The following AP2A2 variants were observed in gnomAD, a reference collection of about 807,000 sequenced individuals.
AP2A2 encodes the protein AP-2 complex subunit alpha-2.
In AP2A2, 32 loss-of-function variants were observed where a neutral mutation model predicts 104.2. That is an observed-to-expected ratio of 0.31 (90% CI 0.23 to 0.41). The LOEUF (loss-of-function observed/expected upper bound fraction) is 0.41. AP2A2 is among the 10% of genes least tolerant of loss of function. The probability of loss-of-function intolerance (pLI) is 1.00; values close to 1 mark genes in which losing one functional copy is unlikely to be tolerated. For synonymous variants in AP2A2, 539 were observed against 533.3 expected, an observed-to-expected ratio of 1.01 and a Z score of -0.15; for missense variants, 912 against 1,261.0, an observed-to-expected ratio of 0.72 and a Z score of 4.19.
intron 14 of AP2A2, among the ~76,000 whole-genome samples, chr11:995,089 C>G (rs755372882): frequency 2.0e-5 from 3 of 152,200 alleles, no homozygotes; most frequent in Non-Finnish European, 4.4e-5. Context: ...TCCTTCAGAC[C>G]GTCGTCTTGT....
chr11:977,687 G>T (rs915823007), intron 5 of AP2A2, among the ~76,000 whole-genome samples: 19 of 151,888 alleles, frequency 1.3e-4, no homozygotes, highest in African/African-American at 3.9e-4. Flanking sequence ...AGGCACGTGT[G>T]GGGGAGGGGC....
rs377203911 is a variant in AP2A2 at position 970,133 on chromosome 11, G to A, written c.137-36G>A. The A allele has an allele frequency of 1.7e-5, 28 of 1,609,480 alleles. No homozygotes were observed. The East Asian group carries it at 2.0e-4, about 12-fold the overall frequency. On this transcript the variant is annotated intron_variant, in intron 2 of 21. Coordinates refer to ENST00000448903, the MANE Select transcript of AP2A2 (RefSeq NM_012305.4). ...TCTCCCCTCTCCCCTGCCTCTGCCC[G>A]CCTGGAATAAAACCTCTTCCCCACC...
At chr11:975,605 C>T (rs577666079) in intron 4 of AP2A2, among the ~76,000 whole-genome samples, 20 of 151,990 alleles carry the variant, frequency 1.3e-4, no homozygotes, top group South Asian at 6.2e-4. Context: ...TCCTCGGTCT[C>T]CCTCGTGTGA....
chr11:1,010,792 G>T lies in AP2A2; in HGVS notation c.*167G>T, dbSNP rs538401723. On this transcript the variant is annotated 3_prime_UTR_variant, in exon 22 of 22. Transcript: ENST00000448903. Reference sequence around the variant, plus strand: ...CCCTTTGGGCTGGACGGGAACACACGTGTGTGGCTCAGGAGGAAAAGCTCA... The same window carrying T: ...CCCTTTGGGCTGGACGGGAACACACTTGTGTGGCTCAGGAGGAAAAGCTCA... The T allele has an allele frequency of 2.8e-5, 19 of 688,904 alleles. 1 individual carries two copies. The highest frequency in any genetic ancestry group is 2.2e-4 in the South Asian group (14 of 64,110). The allele number at this position is 688,904 out of a possible 1,614,324, so 42.7% of individuals were successfully genotyped here. A position where few individuals can be genotyped will look rare whatever the true frequency, so the allele number is the denominator to read the frequency against.
chr11:953,445 G>A (rs528298882), intron 1 of AP2A2, among the ~76,000 whole-genome samples: 6 of 152,222 alleles, frequency 3.9e-5, no homozygotes, highest in African/African-American at 1.4e-4. Flanking sequence ...GATTATAGGC[G>A]TGAGCCACTG....
At position 1,011,872 on chromosome 11, in the gene AP2A2, C is replaced by G. The variant is rs185898063; in HGVS notation, c.*1247C>G. ...CACAGCTCCCCTGCAGTGTGTGCAC[C>G]CCACAATGTCTGCGGCTCTTCTTCC... On this transcript the variant is annotated 3_prime_UTR_variant, in exon 22 of 22. Coordinates refer to ENST00000448903, the MANE Select transcript of AP2A2 (RefSeq NM_012305.4). 4 of 211,958 alleles carry G rather than the reference C, an allele frequency of 1.9e-5. No individual in the cohort carries two copies. The Admixed American group carries it at 2.2e-4, about 12-fold the overall frequency. The allele number at this position is 211,958 out of a possible 1,614,324, so 13.1% of individuals were successfully genotyped here. A position where few individuals can be genotyped will look rare whatever the true frequency, so the allele number is the denominator to read the frequency against.
chr11:994,724 G>A (rs1445799764), intron 14 of AP2A2, among the ~76,000 whole-genome samples: 1 of 144,776 alleles, frequency 6.9e-6, no homozygotes, highest in South Asian at 2.2e-4. Context: ...TGTCCCGGGG[G>A]CCACTGTCCC....
At position 925,984 on chromosome 11, in the gene AP2A2, C is replaced by G; in HGVS notation, c.-38C>G. 1 of 1,380,892 alleles carries G rather than the reference C, an allele frequency of 7.2e-7. No individual in the cohort carries two copies. The highest frequency in any genetic ancestry group is 9.5e-7 in the Non-Finnish European group (1 of 1,051,182). The allele number at this position is 1,380,892 out of a possible 1,614,324, so 85.5% of individuals were successfully genotyped here. A position where few individuals can be genotyped will look rare whatever the true frequency, so the allele number is the denominator to read the frequency against. Reference sequence around the variant, plus strand: ...TTCCCGCTCCCCGCGCTCCTCCGCCCGGGTCCGCCAGCCGAGGCCGCTCCC... The same window carrying G: ...TTCCCGCTCCCCGCGCTCCTCCGCCGGGGTCCGCCAGCCGAGGCCGCTCCC... On this transcript the variant is annotated 5_prime_UTR_variant, in exon 1 of 22. Transcript: ENST00000448903.
chr11:932,421 CAT>C (rs1302022260), intron 1 of AP2A2, among the ~76,000 whole-genome samples: 6 of 152,198 alleles, frequency 3.9e-5, no homozygotes, highest in African/African-American at 1.2e-4. Flanking sequence ...AAAAATTAAA[CAT>C]AAAGTTATAC....
At chr11:996,395 G>A (rs182562188) in intron 14 of AP2A2, among the ~76,000 whole-genome samples, 1 of 152,226 alleles carries the variant, frequency 6.6e-6, no homozygotes, top group Non-Finnish European at 1.5e-5. Context: ...CTGCTTTGAC[G>A]TTAAGAGGAA....
intron 4 of AP2A2, 126 bp from the exon 5 acceptor site, chr11:976,969 T>C (rs1461551147): frequency 2.2e-6 from 3 of 1,343,356 alleles, no homozygotes; most frequent in Non-Finnish European, 3.0e-6. Flanking sequence ...CAGGCGGCCC[T>C]GAGTGCTGTC....
chr11:959,209 G>A (rs147042444), intron 1 of AP2A2, among the ~76,000 whole-genome samples: 53 of 152,348 alleles, frequency 3.5e-4, no homozygotes, highest in Middle Eastern at 6.8e-3. Context: ...CTCCTTTGCT[G>A]TCCTGACCCA....
chr11:970,067 C>G, intron 2 of AP2A2, 102 bp from the exon 3 acceptor site: 1 of 1,334,618 alleles, frequency 7.5e-7, no homozygotes. Context: ...CTCCTGGAGG[C>G]TTGTCCGTGC....
At chr11:995,466 G>C (rs1236650175) in intron 14 of AP2A2, 1 of 455,344 alleles carries the variant, frequency 2.2e-6, no homozygotes, top group South Asian at 1.5e-5. Flanking sequence ...TAGAGGACCT[G>C]TCTCTCCAGG....
intron 4 of AP2A2, among the ~76,000 whole-genome samples, chr11:976,053 C>T (rs993547446): frequency 6.6e-6 from 1 of 152,196 alleles, no homozygotes; most frequent in Non-Finnish European, 1.5e-5. Flanking sequence ...TGCTGGGGGC[C>T]CAGTCATGGG....
chr11:945,306 A>G (rs958683552), intron 1 of AP2A2, among the ~76,000 whole-genome samples: 1 of 152,116 alleles, frequency 6.6e-6, no homozygotes, highest in Admixed American at 6.5e-5. Flanking sequence ...TGGGCTGTTT[A>G]AGTATTTTAA....
chr11:1,002,946 C>G (rs1029346287), intron 15 of AP2A2, among the ~76,000 whole-genome samples: 1 of 152,214 alleles, frequency 6.6e-6, no homozygotes, highest in South Asian at 2.1e-4. Flanking sequence ...GAATCAGTGC[C>G]ACATCCATCT....
chr11:925,896 G>T lies in AP2A2; in HGVS notation c.-126G>T. On this transcript the variant is annotated 5_prime_UTR_variant, in exon 1 of 22. Coordinates refer to ENST00000448903, the MANE Select transcript of AP2A2 (RefSeq NM_012305.4). ...GAAAGCGGCGCTGGGACCCTGAGGCGGCCGTGGTTAGGCGGCTCCCCGGCG... is the reference window on the plus strand; with the variant it reads ...GAAAGCGGCGCTGGGACCCTGAGGCTGCCGTGGTTAGGCGGCTCCCCGGCG... 1 of 640,770 alleles carries T rather than the reference G, an allele frequency of 1.6e-6. No individual in the cohort carries two copies. The highest frequency in any genetic ancestry group is 2.3e-6 in the Non-Finnish European group (1 of 440,824). 39.7% of individuals were successfully genotyped at this position (640,770 alleles called of 1,614,324 possible).
At chr11:1,010,162 CCT>C (rs1175054457) in intron 21 of AP2A2, 2 of 469,620 alleles carry the variant, frequency 4.3e-6, no homozygotes, top group Non-Finnish European at 7.7e-6. Context: ...CCCAGCTGTT[CCT>C]CTCTGTCACC....
Sources: gnomAD v4.1 joint callset for allele counts (sites outside exome capture counted in the v4.1 genomes callset) on GRCh38, gnomAD v4.1.1 for gene constraint, MANE v1.5 for transcripts, NCBI Gene and HGNC (gene_info 2026-07-23, HGNC 2026-07-21) for gene names.